Variants in MRTFB observed in about 807,000 individuals in gnomAD.
MRTFB encodes the protein myocardin-related transcription factor B.
In MRTFB, 29 loss-of-function variants were observed where a neutral mutation model predicts 104.2. The observed-to-expected ratio is 0.28, with a 90% CI of 0.21 to 0.38. The LOEUF (loss-of-function observed/expected upper bound fraction) is 0.38. Ranked by LOEUF, MRTFB falls within the 10% of genes least tolerant of loss-of-function variation. The pLI, the probability that MRTFB is intolerant of heterozygous loss-of-function variation, is 1.00. For missense variants in MRTFB, 1,270 were observed against 1,341.6 expected, an observed-to-expected ratio of 0.95 and a Z score of 0.83; for synonymous variants, 535 against 519.5, an observed-to-expected ratio of 1.03 and a Z score of -0.41.
At chr16:14,029,513 A>T in the MRTFB span, among the ~76,000 whole-genome samples, 287 of 105,710 alleles carry the variant, frequency 2.7e-3, 4 homozygotes, top group African/African-American at 9.5e-3. Flanking sequence ...ACACATATAT[A>T]TACACACACA....
chr16:14,061,184 G>C, the MRTFB span, among the ~76,000 whole-genome samples: 1 of 151,986 alleles, frequency 6.6e-6, no homozygotes, highest in African/African-American at 2.4e-5. Context: ...TTTGTGTTTT[G>C]CTCATTTTGT....
At chr16:14,214,162 C>T (rs2041316826) in intron 6 of MRTFB, among the ~76,000 whole-genome samples, 1 of 152,194 alleles carries the variant, frequency 6.6e-6, no homozygotes, top group Non-Finnish European at 1.5e-5. Context: ...AGTTCCATTC[C>T]ATCTTTGGTT....
At chr16:14,033,842 A>C in the MRTFB span, among the ~76,000 whole-genome samples, 2 of 151,606 alleles carry the variant, frequency 1.3e-5, no homozygotes, top group Non-Finnish European at 2.9e-5. Context: ...TCTCAAAAAA[A>C]AAAAAAAAAA....
At chr16:14,151,150 A>T (rs1391838372) in intron 3 of MRTFB, 4 of 152,218 alleles carry the variant, frequency 2.6e-5, no homozygotes, top group Non-Finnish European at 5.9e-5. Flanking sequence ...CAGTTGATTT[A>T]TGTTGATTTA....
intron 10 of MRTFB, chr16:14,241,009 C>A (rs2042743531): frequency 2.0e-6 from 1 of 506,562 alleles, no homozygotes; most frequent in Non-Finnish European, 3.4e-6. Context: ...AGAAAAATTG[C>A]CTAAACAAAG....
At chr16:14,143,509 C>CTTTTTTTTTTTTTTTTTTTTTTTTT (rs61153206) in intron 3 of MRTFB, 1 of 131,060 alleles carries the variant, frequency 7.6e-6, no homozygotes, top group African/African-American at 2.7e-5. Context: ...AGTACTGATT[C>CTTTTTTTTTTTTTTTTTTTTTTTTT]TTTTTTTTTT....
chr16:14,092,721 A>T (rs1294704308), intron 2 of MRTFB: 2 of 152,228 alleles, frequency 1.3e-5, no homozygotes, highest in South Asian at 2.1e-4. Context: ...ATGATTTCAG[A>T]TCACTCCTGT....
rs1481957134 is a variant in MRTFB at position 14,266,450 on chromosome 16, T to A, written c.*5006T>A. On this transcript the variant is annotated 3_prime_UTR_variant, in exon 17 of 17. Coordinates refer to ENST00000571589, the MANE Select transcript of MRTFB (RefSeq NM_001308142.2). ...AGATACCAATCTACAGAGCCCTGCTTGTTGAAGCACTAGTTTAATCAACAA... is the reference window on the plus strand; with the variant it reads ...AGATACCAATCTACAGAGCCCTGCTAGTTGAAGCACTAGTTTAATCAACAA... The A allele has an allele frequency of 6.6e-6, 1 of 152,232 alleles. No homozygotes were observed. Among genetic ancestry groups the A allele is most frequent in the Non-Finnish European group, 1.5e-5 (1 of 68,048 alleles). The allele number at this position is 152,232 out of a possible 1,614,324, so 9.4% of individuals were successfully genotyped here. A position where few individuals can be genotyped will look rare whatever the true frequency, so the allele number is the denominator to read the frequency against.
chr16:14,022,111 AG>A, the MRTFB span, among the ~76,000 whole-genome samples: 1 of 152,206 alleles, frequency 6.6e-6, no homozygotes, highest in Non-Finnish European at 1.5e-5. Flanking sequence ...CCTATTTTAA[AG>A]GCTATACTTT....
In MRTFB at chr16:14,249,232, C is replaced by T. The variant is rs2043154658; in HGVS notation, c.2403+151C>T. On this transcript the variant is annotated intron_variant, in intron 13 of 16. Transcript: ENST00000571589. ...CATAGAATGAGCCTTAGGTCAGATG[C>T]CATTTGGCTGCAGATTTCCCAGTTA... 5 of 867,730 alleles carry T rather than the reference C, an allele frequency of 5.8e-6. No homozygotes were observed. The East Asian group carries it at 1.5e-4, about 26-fold the overall frequency. The allele number at this position is 867,730 out of a possible 1,614,324, so 53.8% of individuals were successfully genotyped here.
At chr16:14,228,589 T>G (rs1205573050) in intron 8 of MRTFB, among the ~76,000 whole-genome samples, 1 of 144,848 alleles carries the variant, frequency 6.9e-6, no homozygotes, top group Non-Finnish European at 1.5e-5. Context: ...AAAAAAAAAA[T>G]AGAAAACAGA....
intron 7 of MRTFB, 32 bp from the exon 8 acceptor site, chr16:14,218,788 T>TAAGTC: frequency 6.4e-7 from 1 of 1,565,466 alleles, no homozygotes; most frequent in Middle Eastern, 1.8e-4. Context: ...AAAGCCAACA[T>TAAGTC]AAGTCAAGTC....
chr16:14,032,933 C>T, the MRTFB span, among the ~76,000 whole-genome samples: 31 of 152,042 alleles, frequency 2.0e-4, no homozygotes, highest in Non-Finnish European at 2.9e-4. Flanking sequence ...GCAATCCTCC[C>T]ACCTCAGCCT....
In MRTFB at chr16:14,265,943, C is replaced by T. The variant is rs1242409368; in HGVS notation, c.*4499C>T. ...ACAAAGTTTATAGAATACTGAAACT[C>T]GTAACAATTACCTCTCTACGTGATG... On this transcript the variant is annotated 3_prime_UTR_variant, in exon 17 of 17. Coordinates refer to ENST00000571589, the MANE Select transcript of MRTFB (RefSeq NM_001308142.2). The T allele has an allele frequency of 6.6e-6, 1 of 152,158 alleles. No homozygotes were observed. The allele number at this position is 152,158 out of a possible 1,614,324, so 9.4% of individuals were successfully genotyped here.
At chr16:14,125,318 C>T (rs2037054001) in intron 2 of MRTFB, among the ~76,000 whole-genome samples, 1 of 152,252 alleles carries the variant, frequency 6.6e-6, no homozygotes, top group East Asian at 1.9e-4. Flanking sequence ...CTGCCAGCCC[C>T]TCCAGCAAGG....
intron 3 of MRTFB, among the ~76,000 whole-genome samples, chr16:14,194,174 C>G (rs1441481473): frequency 6.6e-6 from 1 of 152,140 alleles, no homozygotes; most frequent in Non-Finnish European, 1.5e-5. Context: ...TTGTGTCTTC[C>G]CAGTTGTATT....
chr16:14,252,136 A>C, intron 14 of MRTFB, 113 bp downstream of exon 14: 1 of 1,306,972 alleles, frequency 7.7e-7, no homozygotes, highest in Non-Finnish European at 1.1e-6. Flanking sequence ...AAATTGTTGA[A>C]AATACAGTGA....
chr16:14,223,556 T>C (rs1419166130), intron 8 of MRTFB, among the ~76,000 whole-genome samples: 2 of 152,078 alleles, frequency 1.3e-5, no homozygotes, highest in Non-Finnish European at 2.9e-5. Flanking sequence ...ACAAATTATG[T>C]AATTGAAGAT....
In MRTFB at chr16:14,262,595, C is replaced by T. The variant is rs1289889265; in HGVS notation, c.*1151C>T. Reference sequence around the variant, plus strand: ...CTAACCCTGGTTATCATTTTACAGGCTTGTAACTGGATATTCTACCAGAGC... The same window carrying T: ...CTAACCCTGGTTATCATTTTACAGGTTTGTAACTGGATATTCTACCAGAGC... On this transcript the variant is annotated 3_prime_UTR_variant, in exon 17 of 17. Coordinates refer to ENST00000571589, the MANE Select transcript of MRTFB (RefSeq NM_001308142.2). 1 of 152,186 alleles carries T rather than the reference C, an allele frequency of 6.6e-6. No homozygotes were observed. Among genetic ancestry groups the T allele is most frequent in the Non-Finnish European group, 1.5e-5 (1 of 68,044 alleles). 9.4% of individuals were successfully genotyped at this position (152,186 alleles called of 1,614,324 possible).
Sources: gnomAD v4.1 joint callset for allele counts (sites outside exome capture counted in the v4.1 genomes callset) on GRCh38, gnomAD v4.1.1 for gene constraint, MANE v1.5 for transcripts, NCBI Gene and HGNC (gene_info 2026-07-23, HGNC 2026-07-21) for gene names.